Variants in RNF24 observed in about 807,000 individuals in gnomAD.
RNF24 encodes ring finger protein 24.
Under a neutral mutation model 20.0 loss-of-function variants are expected in RNF24, and 14 were observed. That is an observed-to-expected ratio of 0.70 (90% confidence interval 0.46 to 1.10). The LOEUF is 1.10. RNF24 is among the 50% of genes least tolerant of loss of function. RNF24 has a pLI of 0.00. For missense variants in RNF24, 124 were observed against 177.6 expected, an observed-to-expected ratio of 0.70 and a Z score of 1.71; for synonymous variants, 45 against 61.1, an observed-to-expected ratio of 0.74 and a Z score of 1.23.
intron 2 of RNF24, among the ~76,000 whole-genome samples, chr20:3,953,773 T>TC (rs1387544764): frequency 2.2e-5 from 3 of 137,978 alleles, no homozygotes; most frequent in Non-Finnish European, 4.7e-5. Flanking sequence ...TTTTTTTTTT[T>TC]TGAGACAGAG....
At chr20:3,987,156 GCA>G (rs1334638864) in intron 1 of RNF24, among the ~76,000 whole-genome samples, 45 of 152,218 alleles carry the variant, frequency 3.0e-4, no homozygotes, top group African/African-American at 1.0e-3. Flanking sequence ...ATTGATGGCA[GCA>G]CTCTTAGGAA....
At chr20:3,976,436 T>C (rs1227776598) in intron 1 of RNF24, among the ~76,000 whole-genome samples, 2 of 152,190 alleles carry the variant, frequency 1.3e-5, no homozygotes, top group Admixed American at 6.5e-5. Context: ...GGGAATATAA[T>C]ATGGTATAGC....
At position 3,967,567 on chromosome 20, in the gene RNF24, C is replaced by T. The variant is rs374943357; in HGVS notation, c.-7-3543G>A. On this transcript the variant is annotated intron_variant, in intron 1 of 5. Transcript: ENST00000358395. ...TACATGACCTGAGTTTAACACAATA[C>T]ACCACAGCTAAATGGGGCTGCAGTA... 6.6e-5 allele frequency among the ~76,000 whole-genome samples: 10 copies of T among 152,304 alleles called. No homozygotes were observed. In the East Asian group the frequency reaches 1.4e-3, roughly 21 times the overall value.
intron 4 of RNF24, among the ~76,000 whole-genome samples, chr20:3,942,432 A>G (rs1217338610): frequency 1.3e-5 from 2 of 151,756 alleles, no homozygotes; most frequent in African/African-American, 4.8e-5. Flanking sequence ...GCCTCCCAAA[A>G]AGTTGGAATT....
chr20:4,009,845 T>C (rs1982297566), intron 1 of RNF24, among the ~76,000 whole-genome samples: 1 of 152,156 alleles, frequency 6.6e-6, no homozygotes, highest in Admixed American at 6.5e-5. Flanking sequence ...AAAAGGGTTT[T>C]TAATTTTAAA....
intron 4 of RNF24, among the ~76,000 whole-genome samples, chr20:3,937,953 C>A (rs1003656101): frequency 6.6e-6 from 1 of 152,266 alleles, no homozygotes; most frequent in Admixed American, 6.5e-5. Flanking sequence ...TCCTTGTTTA[C>A]GTTCTTTTGG....
intron 1 of RNF24, among the ~76,000 whole-genome samples, 163 bp from the exon 2 acceptor site, chr20:3,964,187 T>C (rs2091233914): frequency 6.6e-6 from 1 of 152,216 alleles, no homozygotes; most frequent in Non-Finnish European, 1.5e-5. Flanking sequence ...CCATGCCAAA[T>C]ATTTACTGAG....
chr20:3,938,178 G>A (rs1048696385), intron 4 of RNF24, among the ~76,000 whole-genome samples: 1 of 152,162 alleles, frequency 6.6e-6, no homozygotes, highest in Non-Finnish European at 1.5e-5. Flanking sequence ...TTTCCTTAAT[G>A]ACTAATGATG....
At chr20:3,937,567 C>G (rs149531019) in intron 4 of RNF24, among the ~76,000 whole-genome samples, 373 of 149,784 alleles carry the variant, frequency 2.5e-3, no homozygotes, top group Non-Finnish European at 4.2e-3. Flanking sequence ...CACCCACCCA[C>G]CCCCCAAAAC....
At chr20:4,011,870 T>C (rs774846083) in intron 1 of RNF24, among the ~76,000 whole-genome samples, 5 of 152,156 alleles carry the variant, frequency 3.3e-5, no homozygotes, top group African/African-American at 1.2e-4. Context: ...ACTTCCAAAA[T>C]AGAAGTCCAC....
At chr20:4,002,168 G>A (rs1254476035) in intron 1 of RNF24, among the ~76,000 whole-genome samples, 1 of 152,006 alleles carries the variant, frequency 6.6e-6, no homozygotes, top group African/African-American at 2.4e-5. Context: ...GGTGGATCAC[G>A]AGGTCAGGAG....
At chr20:3,962,335 CAG>C (rs1220244183) in intron 2 of RNF24, among the ~76,000 whole-genome samples, 1 of 152,152 alleles carries the variant, frequency 6.6e-6, no homozygotes, top group African/African-American at 2.4e-5. Flanking sequence ...ACCTAGGTAA[CAG>C]AGTGAGAACC....
intron 2 of RNF24, among the ~76,000 whole-genome samples, chr20:3,957,532 C>T (rs1568628775): frequency 6.6e-6 from 1 of 150,748 alleles, no homozygotes; most frequent in Non-Finnish European, 1.5e-5. Context: ...TAAAATGAGG[C>T]TTTATTTGTT....
In RNF24 at chr20:3,933,637, G is replaced by A; in HGVS notation, c.*426C>T. Reference sequence around the variant, plus strand: ...GCTGGTTTTACTTGGCTCAAGGGCTGCTGGGAAGGTTTGCTGCGACAAAGG... The same window carrying A: ...GCTGGTTTTACTTGGCTCAAGGGCTACTGGGAAGGTTTGCTGCGACAAAGG... On this transcript the variant is annotated 3_prime_UTR_variant, in exon 6 of 6. Coordinates refer to ENST00000358395, the MANE Select transcript of RNF24 (RefSeq NM_001134337.3). 1 of 171,760 alleles carries A rather than the reference G, an allele frequency of 5.8e-6. No homozygotes were observed. Among genetic ancestry groups the A allele is most frequent in the Non-Finnish European group, 1.2e-5 (1 of 81,616 alleles). The allele number at this position is 171,760 out of a possible 1,614,324, so 10.6% of individuals were successfully genotyped here.
At chr20:3,996,542 G>A (rs1293064365) in intron 1 of RNF24, among the ~76,000 whole-genome samples, 1 of 152,068 alleles carries the variant, frequency 6.6e-6, no homozygotes, top group Non-Finnish European at 1.5e-5. Flanking sequence ...AGAGACTGAT[G>A]GTTTTCTGTC....
chr20:3,985,099 G>C (rs1979769663), intron 1 of RNF24, among the ~76,000 whole-genome samples: 1 of 152,104 alleles, frequency 6.6e-6, no homozygotes, highest in South Asian at 2.1e-4. Context: ...TAATCAATTT[G>C]TCTATTCCAT....
intron 1 of RNF24, among the ~76,000 whole-genome samples, chr20:3,984,034 G>T (rs1979669232): frequency 6.6e-6 from 1 of 151,548 alleles, no homozygotes; most frequent in Middle Eastern, 3.4e-3. Flanking sequence ...TAGGGTAGGA[G>T]GACAACTTGA....
chr20:4,002,479 C>A (rs1981493647), intron 1 of RNF24, among the ~76,000 whole-genome samples: 1 of 152,032 alleles, frequency 6.6e-6, no homozygotes, highest in Non-Finnish European at 1.5e-5. Flanking sequence ...GTGGCAAAAC[C>A]TTGTTAATTG....
chr20:3,956,727 T>C (rs2091146679), intron 2 of RNF24, among the ~76,000 whole-genome samples: 1 of 152,236 alleles, frequency 6.6e-6, no homozygotes, highest in Admixed American at 6.5e-5. Context: ...TATATGAATT[T>C]AAAGCTATAG....
Sources: allele counts gnomAD v4.1 joint callset (sites outside exome capture counted in the v4.1 genomes callset), GRCh38; gene constraint gnomAD v4.1.1; transcripts MANE v1.5; gene names NCBI Gene and HGNC (gene_info 2026-07-23, HGNC 2026-07-21).